Variants in AGBL1 observed in about 807,000 individuals in gnomAD.
AGBL1 encodes the protein cytosolic carboxypeptidase 4.
AGBL1 carries 130 observed loss-of-function variants against 118.9 expected under a neutral mutation model. The ratio of observed to expected loss-of-function variants is 1.09; its 90% CI spans 0.95 to 1.26. The LOEUF (loss-of-function observed/expected upper bound fraction) is 1.26. Among genes scored for constraint, AGBL1 ranks in the 50% most tolerant of loss-of-function variants. The probability of loss-of-function intolerance (pLI) is 0.00; values close to 1 mark genes in which losing one functional copy is unlikely to be tolerated. For missense variants in AGBL1, 1,584 were observed against 1,298.1 expected (o/e 1.22, Z -3.38); for synonymous variants, 555 against 478.9 (o/e 1.16, Z -2.08).
At chr15:86,460,597 CAG>C (rs2082323163) in intron 18 of AGBL1, among the ~76,000 whole-genome samples, 2 of 152,140 alleles carry the variant, frequency 1.3e-5, no homozygotes, top group Admixed American at 1.3e-4. Context: ...CTCCTGGAGA[CAG>C]GGATTCAGAG....
chr15:86,569,991 G>C (rs542558312), intron 21 of AGBL1, among the ~76,000 whole-genome samples: 9 of 152,322 alleles, frequency 5.9e-5, no homozygotes, highest in Middle Eastern at 3.4e-3. Context: ...GCATAAGCCA[G>C]ATACTCTTAA....
At position 86,400,363 on chromosome 15, in the gene AGBL1, T is replaced by A. The variant is rs567092891; in HGVS notation, c.2555+2817T>A. On this transcript the variant is annotated intron_variant, in intron 18 of 22. Transcript: ENST00000614907. ...GCAGTTCACCTAAATCTTGTGTATA[T>A]GGTATTTTTTTCGATGTTCTCATCT... 2.0e-5 allele frequency among the ~76,000 whole-genome samples: 3 copies of A among 152,204 alleles called. No individual in the cohort carries two copies. The East Asian group carries it at 5.8e-4, about 29-fold the overall frequency.
At chr15:86,209,190 G>C (rs566304003) in intron 5 of AGBL1, among the ~76,000 whole-genome samples, 1 of 152,216 alleles carries the variant, frequency 6.6e-6, no homozygotes, top group Non-Finnish European at 1.5e-5. Context: ...ACAGTTTGTT[G>C]TGATTTCTGT....
chr15:86,590,466 G>A (rs2084319066), intron 21 of AGBL1, among the ~76,000 whole-genome samples: 2 of 152,146 alleles, frequency 1.3e-5, no homozygotes, highest in African/African-American at 2.4e-5. Flanking sequence ...TTCTGCTTCA[G>A]CCATGATTGT....
chr15:86,483,076 G>T (rs538598339), intron 18 of AGBL1, among the ~76,000 whole-genome samples: 2 of 152,050 alleles, frequency 1.3e-5, no homozygotes, highest in East Asian at 3.9e-4. Flanking sequence ...TAGAGGAGGA[G>T]TCATGAATAT....
At chr15:86,435,431 C>T (rs1298090858) in intron 18 of AGBL1, among the ~76,000 whole-genome samples, 1 of 152,196 alleles carries the variant, frequency 6.6e-6, no homozygotes, top group Non-Finnish European at 1.5e-5. Context: ...AATAGTTTCA[C>T]TTCAATCAGA....
chr15:86,317,130 C>T (rs1298637019), intron 17 of AGBL1: 1 of 152,270 alleles, frequency 6.6e-6, no homozygotes, highest in Admixed American at 6.5e-5. Context: ...TCCTCTCCAT[C>T]CTTTCTTCCA....
intron 24 of AGBL1, among the ~76,000 whole-genome samples, chr15:87,026,286 A>G (rs1232662968): frequency 6.6e-6 from 1 of 152,108 alleles, no homozygotes; most frequent in Non-Finnish European, 1.5e-5. Flanking sequence ...AGAATCTACA[A>G]TGAACTCAAA....
At chr15:86,765,288 A>G (rs2078080283) in intron 22 of AGBL1, among the ~76,000 whole-genome samples, 1 of 151,928 alleles carries the variant, frequency 6.6e-6, no homozygotes, top group Non-Finnish European at 1.5e-5. Flanking sequence ...TTGTGCTCCT[A>G]ATAAGTGCAA....
chr15:87,002,870 G>T (rs889580089), intron 24 of AGBL1, among the ~76,000 whole-genome samples: 1 of 152,132 alleles, frequency 6.6e-6, no homozygotes, highest in African/African-American at 2.4e-5. Context: ...AGCTTAAGAA[G>T]ATTTTGGGCT....
chr15:86,226,043 A>G (rs2078356710), intron 6 of AGBL1, among the ~76,000 whole-genome samples: 1 of 152,172 alleles, frequency 6.6e-6, no homozygotes, highest in South Asian at 2.1e-4. Flanking sequence ...AGATAACTTG[A>G]TAAGCTGTGA....
At chr15:86,537,551 G>A (rs1596241127) in intron 19 of AGBL1, among the ~76,000 whole-genome samples, 1 of 152,236 alleles carries the variant, frequency 6.6e-6, no homozygotes, top group African/African-American at 2.4e-5. Context: ...CACTCATGGA[G>A]GGATGGCTGG....
chr15:86,708,500 T>C (rs1388157341), intron 22 of AGBL1, among the ~76,000 whole-genome samples: 1 of 152,112 alleles, frequency 6.6e-6, no homozygotes. Flanking sequence ...CAAATTGCTA[T>C]TGTTAAAGCT....
At chr15:86,880,928 C>T (rs2079882781) in intron 22 of AGBL1, among the ~76,000 whole-genome samples, 1 of 152,104 alleles carries the variant, frequency 6.6e-6, no homozygotes, top group Non-Finnish European at 1.5e-5. Context: ...ACCGCCTCCT[C>T]TCCTAGGAGG....
chr15:86,168,730 A>G (rs1249725809), intron 5 of AGBL1, among the ~76,000 whole-genome samples: 2 of 152,202 alleles, frequency 1.3e-5, no homozygotes, highest in Non-Finnish European at 2.9e-5. Flanking sequence ...TATAATCTAC[A>G]TTCCCAGCAG....
intron 1 of AGBL1, among the ~76,000 whole-genome samples, chr15:86,093,672 A>C (rs1896174337): frequency 6.6e-6 from 1 of 152,174 alleles, no homozygotes; most frequent in African/African-American, 2.4e-5. Context: ...TGCAGATTAG[A>C]CTTGGCCAAA....
At chr15:86,378,521 G>C (rs1327487423) in intron 17 of AGBL1, among the ~76,000 whole-genome samples, 1 of 152,150 alleles carries the variant, frequency 6.6e-6, no homozygotes, top group African/African-American at 2.4e-5. Flanking sequence ...TGTTTTTCAT[G>C]TAAGTGCTGA....
At chr15:86,839,332 T>A (rs1480504170) in intron 22 of AGBL1, among the ~76,000 whole-genome samples, 1 of 152,218 alleles carries the variant, frequency 6.6e-6, no homozygotes, top group Non-Finnish European at 1.5e-5. Context: ...TTAGTAATCG[T>A]CAGACAAGCA....
At chr15:86,596,243 T>A (rs1007954081) in intron 21 of AGBL1, among the ~76,000 whole-genome samples, 1 of 152,032 alleles carries the variant, frequency 6.6e-6, no homozygotes, top group Admixed American at 6.6e-5. Context: ...TCCCTAATGA[T>A]CATTTATTGC....
Sources: gnomAD v4.1 joint callset for allele counts (sites outside exome capture counted in the v4.1 genomes callset) on GRCh38, gnomAD v4.1.1 for gene constraint, MANE v1.5 for transcripts, NCBI Gene and HGNC (gene_info 2026-07-23, HGNC 2026-07-21) for gene names.